The following AFDN variants were observed in gnomAD, a reference collection of about 807,000 sequenced individuals.
The protein encoded by AFDN is afadin, adherens junction formation factor.
A neutral mutation model predicts 216.6 loss-of-function variants in AFDN; 68 were observed. The ratio of observed to expected loss-of-function variants is 0.31; its 90% CI spans 0.26 to 0.38. AFDN has a LOEUF of 0.38. Among genes scored for constraint, AFDN ranks in the 10% least tolerant of loss-of-function variants. The probability of loss-of-function intolerance (pLI) is 1.00; values close to 1 mark genes in which losing one functional copy is unlikely to be tolerated. For missense variants in AFDN, 2,136 were observed against 2,342.0 expected (o/e 0.91, Z 1.82); for synonymous variants, 868 against 853.7 (o/e 1.02, Z -0.29).
chr6:167,952,510 A>G (rs1225473330), intron 30 of AFDN: 3 of 985,310 alleles, frequency 3.0e-6, no homozygotes, highest in African/African-American at 1.7e-5. Flanking sequence ...ATGACCAGTA[A>G]TAATCTTGAT....
At chr6:167,959,599 C>T (rs1442504482) in intron 30 of AFDN, among the ~76,000 whole-genome samples, 1 of 151,956 alleles carries the variant, frequency 6.6e-6, no homozygotes, top group Non-Finnish European at 1.5e-5. Context: ...GTCGTGTTTT[C>T]AGTAATTTGT....
chr6:167,967,064 G>A (rs1335060789), intron 32 of AFDN, among the ~76,000 whole-genome samples: 1 of 152,198 alleles, frequency 6.6e-6, no homozygotes, highest in Non-Finnish European at 1.5e-5. Flanking sequence ...GGGTTCAGTA[G>A]TCATTGTTTT....
intron 30 of AFDN, among the ~76,000 whole-genome samples, chr6:167,955,225 CG>C (rs1796377705): frequency 6.6e-6 from 1 of 152,140 alleles, no homozygotes; most frequent in Admixed American, 6.5e-5. Flanking sequence ...CAATATCAGA[CG>C]GTACATTTAA....
At chr6:167,829,970 C>G (rs971370715) in intron 1 of AFDN, among the ~76,000 whole-genome samples, 3 of 152,032 alleles carry the variant, frequency 2.0e-5, no homozygotes, top group Non-Finnish European at 4.4e-5. Flanking sequence ...TTTTCAGGCT[C>G]TTTGTCACTT....
intron 1 of AFDN, among the ~76,000 whole-genome samples, chr6:167,859,046 G>T (rs1273507813): frequency 2.7e-5 from 4 of 150,376 alleles, no homozygotes; most frequent in African/African-American, 9.8e-5. Flanking sequence ...TGTTAGCCTG[G>T]TGAAGAAATT....
At chr6:167,859,081 T>TTG (rs2128210389) in intron 1 of AFDN, among the ~76,000 whole-genome samples, 1 of 151,402 alleles carries the variant, frequency 6.6e-6, no homozygotes, top group Non-Finnish European at 1.5e-5. Context: ...GTTTTTTTTT[T>TTG]TTTTTTTTTC....
rs149147768 is a variant in AFDN at position 167,861,433 on chromosome 6, A to G, written c.106-3118A>G. 2.3e-4 allele frequency among the ~76,000 whole-genome samples: 35 copies of G among 152,322 alleles called. No homozygotes were observed. The East Asian group carries it at 6.4e-3, about 28-fold the overall frequency. On this transcript the variant is annotated intron_variant, in intron 1 of 33. Transcript: ENST00000683244. ...TTACTTTTCTATACACAGGAATGCTACTGCCTGATGAGGACACCAGTATCT... is the reference window on the plus strand; with the variant it reads ...TTACTTTTCTATACACAGGAATGCTGCTGCCTGATGAGGACACCAGTATCT...
chr6:167,890,962 T>C lies in AFDN; in HGVS notation c.1110T>C (p.Ala370=), dbSNP rs1263055341. ...AGACACCCAAGGGAAAGGAGAGAGC[T>C]GACGGGTCTGGCTATGGCTCCACCC... ...EGKTPKGKER[A]DGSGYGSTLP... is the part of the protein sequence containing the mutation. The change falls in exon 8 of 34, where the codon GCT becomes GCC. Residue 370 remains alanine (A), a synonymous_variant. Transcript: ENST00000683244. 1 of 1,614,118 alleles carries C rather than the reference T, an allele frequency of 6.2e-7. No homozygotes were observed. The highest frequency in any genetic ancestry group is 8.5e-7 in the Non-Finnish European group (1 of 1,179,990).
At chr6:167,913,170 CAGTT>C (rs1407415911) in intron 15 of AFDN, among the ~76,000 whole-genome samples, 1 of 152,168 alleles carries the variant, frequency 6.6e-6, no homozygotes, top group Non-Finnish European at 1.5e-5. Flanking sequence ...TCTAAAAATA[CAGTT>C]AGTTATTGTG....
In AFDN at chr6:167,907,202, C is replaced by G; in HGVS notation, c.1682C>G (p.Ser561Trp). 6.2e-7 allele frequency: 1 copy of G among 1,614,160 alleles called. No homozygotes were observed. The highest frequency in any genetic ancestry group is 8.5e-7 in the Non-Finnish European group (1 of 1,180,004). The change falls in exon 13 of 34, where the codon TCG becomes TGG. Residue 561 changes from serine (S) to tryptophan (W), a missense_variant. By Grantham distance (177) the Ser-to-Trp change is radical. This residue lies in a region of AFDN where 817 missense variants were observed against 965.7 expected (regional missense o/e 0.85). Coordinates refer to ENST00000683244, the MANE Select transcript of AFDN (RefSeq NM_001386888.1). ...ACTAGGCTGGACAGCGACAGAGTGT[C>G]GTCTGCCTCTAGCACAGCCGAGCGG... ...STTRLDSDRVSSASSTAERGM... is the reference protein window; with the variant it reads ...STTRLDSDRVWSASSTAERGM...
intron 29 of AFDN, among the ~76,000 whole-genome samples, chr6:167,950,129 G>A (rs1017105878): frequency 6.6e-5 from 10 of 152,184 alleles, no homozygotes; most frequent in African/African-American, 2.4e-4. Context: ...CTAGCAAAAT[G>A]TTGGGAGTAA....
chr6:167,841,719 A>G (rs542941919), intron 1 of AFDN, among the ~76,000 whole-genome samples: 8 of 152,198 alleles, frequency 5.3e-5, no homozygotes, highest in Admixed American at 1.3e-4. Flanking sequence ...TGATGTCCAT[A>G]ATATATCAGT....
At chr6:167,885,511 G>A (rs1786681699) in intron 6 of AFDN, among the ~76,000 whole-genome samples, 1 of 152,210 alleles carries the variant, frequency 6.6e-6, no homozygotes, top group African/African-American at 2.4e-5. Context: ...GAGGTAGAGA[G>A]ATGGGGAGTG....
intron 23 of AFDN, among the ~76,000 whole-genome samples, chr6:167,933,287 G>A (rs1793558027): frequency 6.6e-6 from 1 of 152,136 alleles, no homozygotes; most frequent in Non-Finnish European, 1.5e-5. Flanking sequence ...TTTAGACAAT[G>A]TACTGATTTA....
At chr6:167,853,326 T>C (rs1782525460) in intron 1 of AFDN, among the ~76,000 whole-genome samples, 1 of 152,090 alleles carries the variant, frequency 6.6e-6, no homozygotes, top group Admixed American at 6.6e-5. Flanking sequence ...TTGCCAGTAT[T>C]ATTACTAACA....
intron 31 of AFDN, chr6:167,964,780 A>G (rs1025404056): frequency 2.3e-5 from 25 of 1,066,168 alleles, no homozygotes; most frequent in African/African-American, 1.8e-4. Context: ...CAAATTTACA[A>G]TTCATTGTAC....
At chr6:167,891,928 A>G (rs1787665889) in intron 8 of AFDN, among the ~76,000 whole-genome samples, 1 of 152,236 alleles carries the variant, frequency 6.6e-6, no homozygotes, top group Non-Finnish European at 1.5e-5. Flanking sequence ...AGTTATGTGT[A>G]TGATATATGG....
chr6:167,965,899 C>G lies in AFDN; in HGVS notation c.5111C>G (p.Pro1704Arg). ...CCCCGGGACTACGAGCCCCCGTCCC[C>G]GTCCCCCGCGCCCGGCGCCCCTCCT... ...PLPRDYEPPSPSPAPGAPPPP... is the reference protein window; with the variant it reads ...PLPRDYEPPSRSPAPGAPPPP... The change falls in exon 32 of 34, where the codon CCG becomes CGG. Residue 1704 changes from proline to arginine, a missense_variant. Pro to Arg is a moderately radical substitution (Grantham distance 103). Coordinates refer to ENST00000683244, the MANE Select transcript of AFDN (RefSeq NM_001386888.1). The G allele has an allele frequency of 6.5e-7, 1 of 1,549,444 alleles. No homozygotes were observed. The highest frequency in any genetic ancestry group is 8.7e-7 in the Non-Finnish European group (1 of 1,146,572).
At chr6:167,899,613 G>T (rs2268946) in intron 11 of AFDN, among the ~76,000 whole-genome samples, 2 of 151,898 alleles carry the variant, frequency 1.3e-5, no homozygotes. Flanking sequence ...TCAATCATCA[G>T]CTTTTCTTCA....
Sources: allele counts gnomAD v4.1 joint callset (sites outside exome capture counted in the v4.1 genomes callset), GRCh38; gene constraint gnomAD v4.1.1; regional missense constraint gnomAD v4.1.1; transcripts MANE v1.5; gene names NCBI Gene and HGNC (gene_info 2026-07-23, HGNC 2026-07-21).